The following STPG2 variants were observed in gnomAD, a reference collection of about 807,000 sequenced individuals.
The protein encoded by STPG2 is sperm tail PG-rich repeat containing 2, also known as sperm-tail PG-rich repeat-containing protein 2.
Under a neutral mutation model 54.2 loss-of-function variants are expected in STPG2, and 56 were observed. The ratio of observed to expected loss-of-function variants is 1.03; its 90% CI spans 0.83 to 1.29. The LOEUF is 1.29. Among genes scored for constraint, STPG2 ranks in the 50% most tolerant of loss-of-function variants. The pLI, the probability that STPG2 is intolerant of heterozygous loss-of-function variation, is 0.00. For missense variants in STPG2, 596 were observed against 544.9 expected (o/e 1.09, Z -0.93); for synonymous variants, 200 against 181.8 (o/e 1.10, Z -0.81).
chr4:97,460,848 T>G (rs1729644650), intron 4 of STPG2, among the ~76,000 whole-genome samples: 1 of 152,230 alleles, frequency 6.6e-6, no homozygotes, highest in South Asian at 2.1e-4. Flanking sequence ...AATATTGAAC[T>G]TTAGATAAAT....
intron 8 of STPG2, among the ~76,000 whole-genome samples, chr4:97,856,425 G>A (rs1729340172): frequency 6.6e-6 from 1 of 152,078 alleles, no homozygotes; most frequent in African/African-American, 2.4e-5. Context: ...TGTAACAATT[G>A]TGAATAGGAG....
rs184600175 is a variant in STPG2, at chr4:98,035,203, A to C, written c.613-53885T>G. On this transcript the variant is annotated intron_variant, in intron 5 of 10. Transcript: ENST00000295268. ...AAAAATTCTGCAATCTCTCCATCTGAAAAAGGGCTAAGATCCAGAATCTAC... is the reference window on the plus strand; with the variant it reads ...AAAAATTCTGCAATCTCTCCATCTGCAAAAGGGCTAAGATCCAGAATCTAC... Among the ~76,000 whole-genome samples, 564 of 152,328 alleles carry C rather than the reference A, an allele frequency of 3.7e-3. 4 individuals are homozygous for C. The highest frequency in any genetic ancestry group is 0.013 in the African/African-American group (538 of 41,582).
At chr4:97,747,027 T>C (rs994431766) in intron 9 of STPG2, among the ~76,000 whole-genome samples, 1 of 148,916 alleles carries the variant, frequency 6.7e-6, no homozygotes, top group Non-Finnish European at 1.5e-5. Flanking sequence ...AAAAAAAAAA[T>C]CTTTTACAGT....
At chr4:97,988,830 T>C (rs1389072978) in intron 5 of STPG2, among the ~76,000 whole-genome samples, 1 of 152,212 alleles carries the variant, frequency 6.6e-6, no homozygotes, top group Non-Finnish European at 1.5e-5. Flanking sequence ...TTCCCCAGAC[T>C]GGTCTTGAAC....
chr4:97,646,807 T>G (rs1721925256), intron 10 of STPG2, among the ~76,000 whole-genome samples: 1 of 152,148 alleles, frequency 6.6e-6, no homozygotes, highest in South Asian at 2.1e-4. Context: ...AATATTTTGT[T>G]TGACGTGGCC....
At chr4:98,097,979 A>T (rs1402085288) in intron 5 of STPG2, among the ~76,000 whole-genome samples, 9 of 152,180 alleles carry the variant, frequency 5.9e-5, no homozygotes, top group Non-Finnish European at 1.0e-4. Flanking sequence ...AGCAGACACC[A>T]AAAGATAGAA....
chr4:97,973,496 T>C (rs546203986), intron 6 of STPG2, among the ~76,000 whole-genome samples: 1 of 152,174 alleles, frequency 6.6e-6, no homozygotes, highest in Non-Finnish European at 1.5e-5. Flanking sequence ...TGAGGAGAAA[T>C]TCAAGCTGGC....
chr4:97,664,158 C>T (rs761605811), intron 10 of STPG2, among the ~76,000 whole-genome samples: 1 of 152,074 alleles, frequency 6.6e-6, no homozygotes, highest in Non-Finnish European at 1.5e-5. Context: ...TGTTTTCTAT[C>T]CTTTATCTCA....
intron 10 of STPG2, among the ~76,000 whole-genome samples, chr4:97,581,844 T>C (rs1732870273): frequency 1.3e-5 from 2 of 152,020 alleles, no homozygotes; most frequent in South Asian, 2.1e-4. Flanking sequence ...ATTATAATTG[T>C]ATTTTGGCTG....
At chr4:97,910,864 A>T (rs1731652214) in intron 8 of STPG2, among the ~76,000 whole-genome samples, 1 of 152,198 alleles carries the variant, frequency 6.6e-6, no homozygotes, top group South Asian at 2.1e-4. Flanking sequence ...GCAGGCCAAG[A>T]TGACCAATTA....
intron 5 of STPG2, among the ~76,000 whole-genome samples, chr4:98,038,495 G>A (rs4619898): frequency 0.39 from 59,868 of 151,672 alleles, 12,039 homozygotes; most frequent in Middle Eastern, 0.46. Flanking sequence ...AGTATGTAAC[G>A]TAGGCATATT....
intron 10 of STPG2, among the ~76,000 whole-genome samples, chr4:97,605,354 A>G (rs1238737013): frequency 6.6e-6 from 1 of 151,850 alleles, no homozygotes; most frequent in Non-Finnish European, 1.5e-5. Flanking sequence ...TTAGAGTTTA[A>G]AATATGCTTT....
intron 8 of STPG2, among the ~76,000 whole-genome samples, chr4:97,903,241 T>C (rs1731248432): frequency 6.6e-6 from 1 of 152,122 alleles, no homozygotes; most frequent in Non-Finnish European, 1.5e-5. Flanking sequence ...AAAAGGAAAC[T>C]ATATGAGATA....
intron 8 of STPG2, among the ~76,000 whole-genome samples, chr4:97,903,964 C>A (rs1048774140): frequency 8.5e-5 from 13 of 152,184 alleles, no homozygotes; most frequent in Non-Finnish European, 1.5e-4. Context: ...CACAGAGTCT[C>A]GCTGATTGCT....
intron 8 of STPG2, among the ~76,000 whole-genome samples, chr4:97,876,243 T>A (rs1217978957): frequency 6.6e-6 from 1 of 152,082 alleles, no homozygotes; most frequent in East Asian, 1.9e-4. Context: ...AAGAAACAGA[T>A]GTAATCGTGT....
chr4:98,111,631 C>T (rs1024030459), intron 3 of STPG2, among the ~76,000 whole-genome samples: 2 of 152,018 alleles, frequency 1.3e-5, no homozygotes, highest in African/African-American at 2.4e-5. Flanking sequence ...AAATTAAATG[C>T]GGATTGTGAT....
At chr4:97,907,307 CA>C (rs1374331871) in intron 8 of STPG2, among the ~76,000 whole-genome samples, 1 of 151,974 alleles carries the variant, frequency 6.6e-6, no homozygotes, top group African/African-American at 2.4e-5. Context: ...ATCCAACTTA[CA>C]AGGGATGTGA....
At chr4:98,045,671 C>G (rs1463814044) in intron 5 of STPG2, among the ~76,000 whole-genome samples, 1 of 151,986 alleles carries the variant, frequency 6.6e-6, no homozygotes, top group East Asian at 1.9e-4. Context: ...TTACCCTACT[C>G]CCTTCTGACC....
chr4:97,848,050 G>T (rs958760433), intron 8 of STPG2, among the ~76,000 whole-genome samples: 1 of 152,100 alleles, frequency 6.6e-6, no homozygotes, highest in African/African-American at 2.4e-5. Context: ...TACTAAAAAT[G>T]ACATAAACTG....
Sources: gnomAD v4.1 joint callset for allele counts (sites outside exome capture counted in the v4.1 genomes callset) on GRCh38, gnomAD v4.1.1 for gene constraint, MANE v1.5 for transcripts, NCBI Gene and HGNC (gene_info 2026-07-23, HGNC 2026-07-21) for gene names.